The following CCN4 variants were observed in gnomAD, a reference collection of about 807,000 sequenced individuals.
CCN4 encodes the protein CCN family member 4.
A neutral mutation model predicts 36.7 loss-of-function variants in CCN4; 30 were observed. The observed-to-expected ratio is 0.82, with a 90% CI of 0.61 to 1.11. The LOEUF is 1.11. Ranked by LOEUF, CCN4 falls within the 50% of genes least tolerant of loss-of-function variation. The pLI is 0.00. For synonymous variants in CCN4, 191 were observed against 195.4 expected, an observed-to-expected ratio of 0.98 and a Z score of 0.19; for missense variants, 505 against 504.9, an observed-to-expected ratio of 1.00 and a Z score of 0.00.
At chr8:133,226,244 A>G (rs1206908252) in intron 4 of CCN4, among the ~76,000 whole-genome samples, 11 of 152,220 alleles carry the variant, frequency 7.2e-5, no homozygotes, top group Admixed American at 7.2e-4. Flanking sequence ...TGTCACAGGA[A>G]AAACAAAGCA....
intron 2 of CCN4, among the ~76,000 whole-genome samples, chr8:133,219,389 G>A (rs977166986): frequency 5.3e-5 from 8 of 152,004 alleles, no homozygotes; most frequent in Non-Finnish European, 1.0e-4. Context: ...ACCCCTGGGC[G>A]GGCTTCCTTC....
chr8:133,193,655 T>C lies in CCN4; in HGVS notation c.69+2442T>C, dbSNP rs142357214. 3.3e-4 allele frequency among the ~76,000 whole-genome samples: 51 copies of C among 152,324 alleles called. No individual in the cohort carries two copies. The East Asian group carries it at 3.9e-3, about 12-fold the overall frequency. On this transcript the variant is annotated intron_variant, in intron 1 of 4. Transcript: ENST00000250160. Reference sequence around the variant, plus strand: ...ACATTTATTAGGCACATTCTACAATTCCCATAACAATATTATTTAGCAAGT... The same window carrying C: ...ACATTTATTAGGCACATTCTACAATCCCCATAACAATATTATTTAGCAAGT...
At chr8:133,220,479 C>A in intron 2 of CCN4, 102 bp from the exon 3 acceptor site, 1 of 1,505,292 alleles carries the variant, frequency 6.6e-7, no homozygotes, top group Non-Finnish European at 9.0e-7. Context: ...TGGGAGCCAT[C>A]CCCGGGATTG....
At chr8:133,199,708 G>T (rs926267196) in intron 1 of CCN4, among the ~76,000 whole-genome samples, 1 of 152,190 alleles carries the variant, frequency 6.6e-6, no homozygotes, top group Admixed American at 6.5e-5. Flanking sequence ...ATGCACACAC[G>T]CACACACAGG....
intron 2 of CCN4, among the ~76,000 whole-genome samples, chr8:133,217,316 C>A (rs114747199): frequency 1.1e-4 from 17 of 152,356 alleles, no homozygotes; most frequent in African/African-American, 4.1e-4. Context: ...CTGCTGACAG[C>A]GTGAGCTGAC....
In CCN4 at chr8:133,230,641, A is replaced by G. The variant is rs1282482496; in HGVS notation, c.*2931A>G. 7 of 152,352 alleles carry G rather than the reference A, an allele frequency of 4.6e-5. No homozygotes were observed. The highest frequency in any genetic ancestry group is 8.8e-5 in the Non-Finnish European group (6 of 68,024). The allele number at this position is 152,352 out of a possible 1,614,324, so 9.4% of individuals were successfully genotyped here. On this transcript the variant is annotated 3_prime_UTR_variant, in exon 5 of 5. Transcript: ENST00000250160. ...TCCCTTGTTAACTATATGTTCTGAG[A>G]CAAAGGAAAGCTACCCTAAGGGTTA...
intron 1 of CCN4, among the ~76,000 whole-genome samples, chr8:133,204,425 C>A (rs1030977590): frequency 1.3e-5 from 2 of 152,190 alleles, no homozygotes; most frequent in African/African-American, 4.8e-5. Flanking sequence ...CTAAAATCTC[C>A]ACACTTTTCT....
chr8:133,208,098 G>C (rs1853850507), intron 1 of CCN4, among the ~76,000 whole-genome samples: 1 of 151,112 alleles, frequency 6.6e-6, no homozygotes, highest in South Asian at 2.1e-4. Flanking sequence ...CATTTACTAG[G>C]TGTTGGGCAT....
At chr8:133,211,336 A>C (rs1854021673) in intron 1 of CCN4, among the ~76,000 whole-genome samples, 1 of 152,212 alleles carries the variant, frequency 6.6e-6, no homozygotes, top group Non-Finnish European at 1.5e-5. Flanking sequence ...GGGACTTTTA[A>C]CGCTTATCTT....
chr8:133,206,153 C>T (rs533333311), intron 1 of CCN4, among the ~76,000 whole-genome samples: 1 of 152,276 alleles, frequency 6.6e-6, no homozygotes, highest in East Asian at 1.9e-4. Flanking sequence ...ACAGCTCTGA[C>T]CCAGAGGCGC....
chr8:133,224,326 T>A (rs1854649658), intron 3 of CCN4, among the ~76,000 whole-genome samples: 1 of 138,758 alleles, frequency 7.2e-6, no homozygotes, highest in Admixed American at 7.9e-5. Flanking sequence ...CTGCAACCTC[T>A]ACCTCCCAGA....
intron 2 of CCN4, among the ~76,000 whole-genome samples, chr8:133,214,486 G>A (rs1031390415): frequency 1.3e-5 from 2 of 151,326 alleles, no homozygotes; most frequent in African/African-American, 2.5e-5. Flanking sequence ...GGTGTATTCT[G>A]ATATCCTCCT....
In CCN4 at chr8:133,220,785, G is replaced by T; in HGVS notation, c.554G>T (p.Cys185Phe). ...IPGHCCEQWVCEDDAKRPRKT... is the reference protein window; with the variant it reads ...IPGHCCEQWVFEDDAKRPRKT... ...GGCCACTGCTGTGAGCAGTGGGTAT[G>T]TGAGGACGACGCCAAGAGGCCACGC... Residue 185 changes from cysteine (C) to phenylalanine (F), a missense_variant, in exon 3 of 5, where the codon TGT becomes TTT. By Grantham distance (205) the Cys-to-Phe change is radical. Transcript: ENST00000250160. 2 of 1,612,086 alleles carry T rather than the reference G, an allele frequency of 1.2e-6. No homozygotes were observed. Among genetic ancestry groups the T allele is most frequent in the South Asian group, 2.2e-5 (2 of 91,026 alleles).
At chr8:133,192,286 G>T (rs1250579595) in intron 1 of CCN4, among the ~76,000 whole-genome samples, 1 of 152,198 alleles carries the variant, frequency 6.6e-6, no homozygotes, top group Non-Finnish European at 1.5e-5. Flanking sequence ...CAGAACTGAG[G>T]CCGAGAGCCG....
intron 1 of CCN4, among the ~76,000 whole-genome samples, chr8:133,192,660 C>A (rs189846552): frequency 6.6e-6 from 1 of 152,122 alleles, no homozygotes; most frequent in African/African-American, 2.4e-5. Flanking sequence ...GGTATGGCTG[C>A]GCCTTTATTT....
chr8:133,191,114 C>A lies in CCN4; in HGVS notation c.-31C>A. 1 of 1,603,578 alleles carries A rather than the reference C, an allele frequency of 6.2e-7. No individual in the cohort carries two copies. The highest frequency in any genetic ancestry group is 1.1e-5 in the South Asian group (1 of 90,838). ...AGGTGGTCGGATCCTCTGGGCTGCT[C>A]GGTCGATGCCTGTGCCACTGACGTC... On this transcript the variant is annotated 5_prime_UTR_variant, in exon 1 of 5. Transcript: ENST00000250160.
intron 2 of CCN4, among the ~76,000 whole-genome samples, chr8:133,219,560 G>A (rs1229202735): frequency 6.6e-6 from 1 of 152,168 alleles, no homozygotes; most frequent in East Asian, 1.9e-4. Flanking sequence ...TCTCACTTTT[G>A]TTACTCTATT....
chr8:133,217,680 A>G (rs1457664349), intron 2 of CCN4, among the ~76,000 whole-genome samples: 1 of 152,132 alleles, frequency 6.6e-6, no homozygotes, highest in Non-Finnish European at 1.5e-5. Context: ...TTAGCTGCAA[A>G]CAGGATTCAC....
At chr8:133,220,870 T>C (rs1230983937) in intron 3 of CCN4, 29 bp downstream of exon 3, 4 of 1,578,036 alleles carry the variant, frequency 2.5e-6, no homozygotes, top group Non-Finnish European at 3.5e-6. Flanking sequence ...GGGCTGGGGG[T>C]GGGACCCTAC....
Sources: allele counts gnomAD v4.1 joint callset (sites outside exome capture counted in the v4.1 genomes callset), GRCh38; gene constraint gnomAD v4.1.1; transcripts MANE v1.5; gene names NCBI Gene and HGNC (gene_info 2026-07-23, HGNC 2026-07-21).